Variants in RECK observed in about 807,000 individuals in gnomAD.
The protein encoded by RECK is reversion inducing cysteine rich protein with kazal motifs, also known as reversion-inducing cysteine-rich protein with Kazal motifs.
Under a neutral mutation model 115.1 loss-of-function variants are expected in RECK, and 69 were observed. The ratio of observed to expected loss-of-function variants is 0.60; its 90% CI spans 0.49 to 0.73. The LOEUF (loss-of-function observed/expected upper bound fraction) is 0.73, where lower values mean the gene tolerates loss of function less well. Among genes scored for constraint, RECK ranks in the 30% least tolerant of loss-of-function variants. The probability of loss-of-function intolerance (pLI) is 0.00; values close to 1 mark genes in which losing one functional copy is unlikely to be tolerated. For synonymous variants in RECK, 414 were observed against 419.7 expected, an observed-to-expected ratio of 0.99 and a Z score of 0.17; for missense variants, 1,047 against 1,203.7, an observed-to-expected ratio of 0.87 and a Z score of 1.93.
At chr9:36,066,937 C>G (rs1449011152) in intron 6 of RECK, 2 of 1,056,274 alleles carry the variant, frequency 1.9e-6, no homozygotes. Context: ...GTCTATCTTC[C>G]CTAATTTGGC....
chr9:36,076,650 G>C (rs895588461), intron 6 of RECK, among the ~76,000 whole-genome samples: 1 of 152,092 alleles, frequency 6.6e-6, no homozygotes, highest in Non-Finnish European at 1.5e-5. Flanking sequence ...GAATTTAATC[G>C]CGAGAGTAGG....
intron 2 of RECK, among the ~76,000 whole-genome samples, chr9:36,053,391 C>T (rs1476958439): frequency 6.6e-6 from 1 of 152,078 alleles, no homozygotes; most frequent in Non-Finnish European, 1.5e-5. Flanking sequence ...GAGAGAACTA[C>T]TTAACTGGGA....
intron 12 of RECK, among the ~76,000 whole-genome samples, chr9:36,102,682 G>A (rs899795681): frequency 6.6e-6 from 1 of 152,144 alleles, no homozygotes; most frequent in African/African-American, 2.4e-5. Flanking sequence ...TAGGCCAGGC[G>A]TGGTGACTCA....
At chr9:36,112,133 A>C (rs919898727) in intron 15 of RECK, among the ~76,000 whole-genome samples, 172 bp from the exon 16 acceptor site, 1 of 150,964 alleles carries the variant, frequency 6.6e-6, no homozygotes, top group Non-Finnish European at 1.5e-5. Flanking sequence ...AAAAAAAAAA[A>C]AAAAAAAAAA....
At chr9:36,089,679 G>A (rs1214747807) in intron 9 of RECK, among the ~76,000 whole-genome samples, 1 of 151,996 alleles carries the variant, frequency 6.6e-6, no homozygotes, top group African/African-American at 2.4e-5. Flanking sequence ...TTACCTTCAG[G>A]CTATGTGTAT....
rs777630998 is a variant in RECK at position 36,112,465 on chromosome 9, A to T, written c.2049A>T (p.Gln683His). 2 of 1,613,982 alleles carry T rather than the reference A, an allele frequency of 1.2e-6. No individual in the cohort carries two copies. Among genetic ancestry groups the T allele is most frequent in the African/African-American group, 1.3e-5 (1 of 74,940 alleles). Residue 683 changes from glutamine to histidine, a missense_variant, in exon 16 of 21, where the codon CAA becomes CAT. By Grantham distance (24) the Gln-to-His change is conservative. Transcript: ENST00000377966. ...ATCCATGTAATCCTAATCCCTGCCA[A>T]AAAAACCAAAGGTAAGTCAAATGGC... is the stretch of plus-strand genomic sequence containing the variant. ...SKDPCNPNPC[Q>H]KNQRCIPKPQ...
intron 6 of RECK, among the ~76,000 whole-genome samples, chr9:36,070,429 G>T (rs921121343): frequency 4.6e-5 from 7 of 151,686 alleles, no homozygotes; most frequent in Non-Finnish European, 1.0e-4. Flanking sequence ...AGAAGAGAAA[G>T]TGTAAAAAGA....
At chr9:36,043,010 C>CTTTT (rs61673918) in intron 1 of RECK, among the ~76,000 whole-genome samples, 889 of 59,488 alleles carry the variant, frequency 0.015, 194 homozygotes, top group African/African-American at 0.037. Flanking sequence ...CCTTAGCCCA[C>CTTTT]TTTTTTTTTT....
chr9:36,068,138 T>C (rs1392750807), intron 6 of RECK, among the ~76,000 whole-genome samples: 1 of 152,142 alleles, frequency 6.6e-6, no homozygotes, highest in Non-Finnish European at 1.5e-5. Flanking sequence ...ACAAAACCAA[T>C]ATTTTAGAAA....
At chr9:36,077,074 A>T (rs1822479413) in intron 6 of RECK, among the ~76,000 whole-genome samples, 1 of 151,840 alleles carries the variant, frequency 6.6e-6, no homozygotes, top group African/African-American at 2.4e-5. Flanking sequence ...TGCATCTTTG[A>T]GGTTATGGTA....
At chr9:36,081,492 C>T (rs1270023247) in intron 7 of RECK, among the ~76,000 whole-genome samples, 3 of 152,114 alleles carry the variant, frequency 2.0e-5, no homozygotes, top group African/African-American at 7.2e-5. Flanking sequence ...CCACCACCAC[C>T]CCCAATGTAT....
At chr9:36,072,490 A>G (rs1233570085) in intron 6 of RECK, among the ~76,000 whole-genome samples, 2 of 152,200 alleles carry the variant, frequency 1.3e-5, no homozygotes, top group African/African-American at 4.8e-5. Context: ...TTGCCCAGTC[A>G]GCTTTTAGGG....
intron 1 of RECK, among the ~76,000 whole-genome samples, chr9:36,041,434 C>T (rs1012290973): frequency 1.3e-5 from 2 of 152,186 alleles, no homozygotes; most frequent in Non-Finnish European, 2.9e-5. Flanking sequence ...AAAATACTGA[C>T]TGTTGAAGAG....
At position 36,083,313 on chromosome 9, in the gene RECK, T is replaced by C; in HGVS notation, c.440-52T>C. On this transcript the variant is annotated intron_variant, in intron 7 of 20. Transcript: ENST00000377966. Reference sequence around the variant, plus strand: ...TTCCATCATTATGATGATGATTTAATGTTAACAAAAAGCTGTTTCCATGTC... The same window carrying C: ...TTCCATCATTATGATGATGATTTAACGTTAACAAAAAGCTGTTTCCATGTC... 4 of 1,533,880 alleles carry C rather than the reference T, an allele frequency of 2.6e-6. No homozygotes were observed. In the Admixed American group the frequency reaches 7.1e-5, roughly 27 times the overall value.
intron 13 of RECK, among the ~76,000 whole-genome samples, chr9:36,105,529 A>G (rs1244563960): frequency 6.6e-6 from 1 of 152,192 alleles, no homozygotes; most frequent in African/African-American, 2.4e-5. Context: ...TTGTTATTTA[A>G]ATTGTAAACT....
chr9:36,076,167 G>C (rs553167165), intron 6 of RECK, among the ~76,000 whole-genome samples: 1 of 152,182 alleles, frequency 6.6e-6, no homozygotes, highest in African/African-American at 2.4e-5. Flanking sequence ...ATGACACTGC[G>C]TTGTGAGAAT....
At chr9:36,056,188 T>C (rs1428240610) in intron 2 of RECK, among the ~76,000 whole-genome samples, 1 of 152,128 alleles carries the variant, frequency 6.6e-6, no homozygotes, top group Non-Finnish European at 1.5e-5. Flanking sequence ...AAATCTCAAT[T>C]GTCATATTAT....
chr9:36,045,711 A>G (rs1364993509), intron 1 of RECK, among the ~76,000 whole-genome samples: 1 of 151,476 alleles, frequency 6.6e-6, no homozygotes, highest in Admixed American at 6.6e-5. Context: ...CTATAATTCT[A>G]TGGATATTTC....
intron 8 of RECK, among the ~76,000 whole-genome samples, chr9:36,084,033 TTAAG>T (rs1186480081): frequency 6.6e-6 from 1 of 152,176 alleles, no homozygotes; most frequent in Non-Finnish European, 1.5e-5. Context: ...TTAAAATTGA[TTAAG>T]TAAATTACGG....
Sources: gnomAD v4.1 joint callset for allele counts (sites outside exome capture counted in the v4.1 genomes callset) on GRCh38, gnomAD v4.1.1 for gene constraint, MANE v1.5 for transcripts, NCBI Gene and HGNC (gene_info 2026-07-23, HGNC 2026-07-21) for gene names.